Variants in PRKCB observed in about 807,000 individuals in gnomAD.
PRKCB encodes protein kinase C beta, also known as protein kinase C beta type.
PRKCB carries 13 observed loss-of-function variants against 81.5 expected under a neutral mutation model. That is an observed-to-expected ratio of 0.16 (90% CI 0.10 to 0.25). PRKCB has a LOEUF of 0.25. Ranked by LOEUF, PRKCB falls within the 10% of genes least tolerant of loss-of-function variation. PRKCB has a pLI of 1.00. For missense variants in PRKCB, 509 were observed against 875.7 expected, an observed-to-expected ratio of 0.58 and a Z score of 5.29; for synonymous variants, 335 against 321.4, an observed-to-expected ratio of 1.04 and a Z score of -0.45.
chr16:24,111,156 T>A (rs1018042274), intron 7 of PRKCB: 1 of 152,236 alleles, frequency 6.6e-6, no homozygotes, highest in African/African-American at 2.4e-5. Context: ...TTTTTATATT[T>A]CTTTTGGTAA....
At position 24,215,167 on chromosome 16, in the gene PRKCB, T is replaced by C. The variant is rs1302448847; in HGVS notation, c.*351T>C. ...GCCATATTCACCCCCAACCATCCAA[T>C]CTGTGGATAATTGGATGTTAGCGGT... On this transcript the variant is annotated 3_prime_UTR_variant, in exon 17 of 17. Coordinates refer to ENST00000643927, the MANE Select transcript of PRKCB (RefSeq NM_002738.7). The C allele has an allele frequency of 9.6e-7, 1 of 1,044,212 alleles. No homozygotes were observed. The highest frequency in any genetic ancestry group is 3.5e-5 in the South Asian group (1 of 28,174). The allele number at this position is 1,044,212 out of a possible 1,614,324, so 64.7% of individuals were successfully genotyped here.
At chr16:24,122,449 C>CTTTTTTTTTTTTTTTTTT (rs35364143) in intron 8 of PRKCB, among the ~76,000 whole-genome samples, 1 of 97,640 alleles carries the variant, frequency 1.0e-5, no homozygotes, top group African/African-American at 5.4e-5. Context: ...TACCACGAGG[C>CTTTTTTTTTTTTTTTTTT]TTTTTTTTTT....
At chr16:23,899,476 G>A (rs1158893786) in intron 2 of PRKCB, among the ~76,000 whole-genome samples, 3 of 152,200 alleles carry the variant, frequency 2.0e-5, no homozygotes, top group Non-Finnish European at 4.4e-5. Context: ...ACTTACCAGA[G>A]GAAACAGAAT....
At chr16:23,967,067 A>T (rs757384583) in intron 2 of PRKCB, among the ~76,000 whole-genome samples, 4 of 150,444 alleles carry the variant, frequency 2.7e-5, no homozygotes, top group Non-Finnish European at 2.9e-5. Context: ...GCCAGTTTGC[A>T]GCCCCTGCCT....
intron 2 of PRKCB, among the ~76,000 whole-genome samples, chr16:23,983,084 T>G (rs1964759084): frequency 6.6e-6 from 1 of 151,590 alleles, no homozygotes; most frequent in African/African-American, 2.4e-5. Context: ...TACATTTTTT[T>G]CAGTAGCTCA....
intron 5 of PRKCB, among the ~76,000 whole-genome samples, chr16:24,042,121 T>G (rs1409419715): frequency 6.6e-6 from 1 of 152,150 alleles, no homozygotes; most frequent in Non-Finnish European, 1.5e-5. Flanking sequence ...GTTTGTTATA[T>G]AGGTAAACTT....
At chr16:24,020,343 GT>G (rs1380806957) in intron 3 of PRKCB, among the ~76,000 whole-genome samples, 149 of 152,266 alleles carry the variant, frequency 9.8e-4, no homozygotes, top group African/African-American at 3.4e-3. Flanking sequence ...TAAATATTAT[GT>G]TGGTGCAAAA....
chr16:24,008,420 G>C (rs180889701), intron 3 of PRKCB, among the ~76,000 whole-genome samples: 26 of 152,346 alleles, frequency 1.7e-4, no homozygotes, highest in Non-Finnish European at 3.5e-4. Context: ...GATCAAATTG[G>C]CCTCTTCTAG....
chr16:23,948,463 G>A (rs547027404), intron 2 of PRKCB, among the ~76,000 whole-genome samples: 8 of 152,254 alleles, frequency 5.3e-5, no homozygotes, highest in African/African-American at 1.9e-4. Context: ...GAGTGCAGTG[G>A]TGCGATCTTG....
At chr16:23,889,865 A>G (rs553230877) in intron 2 of PRKCB, among the ~76,000 whole-genome samples, 40 of 152,312 alleles carry the variant, frequency 2.6e-4, no homozygotes, top group African/African-American at 8.7e-4. Flanking sequence ...TCTATTTACA[A>G]TAATTCCAGT....
Position 24,037,796 on chromosome 16 carries a change from T to A in PRKCB, c.529+2249T>A, listed in dbSNP as rs191885878. On this transcript the variant is annotated intron_variant, in intron 5 of 16. Coordinates refer to ENST00000643927, the MANE Select transcript of PRKCB (RefSeq NM_002738.7). ...CTTCTCAGGACACACTGATAGGAGG[T>A]GTATCCATTTGCTGTGGCTGCCATA... 2.3e-3 allele frequency among the ~76,000 whole-genome samples: 340 copies of A among 150,186 alleles called. 1 individual carries two copies. The highest frequency in any genetic ancestry group is 7.9e-3 in the African/African-American group (321 of 40,758).
chr16:24,189,623 CAGAG>C (rs1398616390), intron 15 of PRKCB, among the ~76,000 whole-genome samples: 1 of 119,940 alleles, frequency 8.3e-6, no homozygotes, highest in East Asian at 2.4e-4. Context: ...GCCTGGGTGA[CAGAG>C]TGAGACTCCG....
At chr16:23,903,262 T>A (rs1963510914) in intron 2 of PRKCB, among the ~76,000 whole-genome samples, 1 of 118,840 alleles carries the variant, frequency 8.4e-6, no homozygotes, top group East Asian at 2.1e-4. Context: ...AACTTAAGTG[T>A]GTGTGTGTGT....
chr16:24,185,440 C>A lies in PRKCB; in HGVS notation c.1615-20C>A, dbSNP rs750778224. 4 of 1,601,240 alleles carry A rather than the reference C, an allele frequency of 2.5e-6. No homozygotes were observed. The highest frequency in any genetic ancestry group is 3.4e-6 in the Non-Finnish European group (4 of 1,168,742). ...GTTCAAGCAGGGATTCTTCTCCTCC[C>A]ACCCTCCCCTGTCATACAGGCACCC... On this transcript the variant is annotated intron_variant, in intron 14 of 16. Transcript: ENST00000643927.
At chr16:24,203,906 G>A (rs1968003338) in intron 16 of PRKCB, among the ~76,000 whole-genome samples, 2 of 152,092 alleles carry the variant, frequency 1.3e-5, no homozygotes, top group Non-Finnish European at 2.9e-5. Context: ...CCAGGGCCTG[G>A]CTTTGTCTTG....
At chr16:24,114,893 G>A (rs1431158032) in intron 8 of PRKCB, among the ~76,000 whole-genome samples, 1 of 152,274 alleles carries the variant, frequency 6.6e-6, no homozygotes, top group East Asian at 1.9e-4. Context: ...AAAGTCCTGG[G>A]AAAGAGAGGT....
At chr16:24,183,107 G>T (rs890434794) in intron 13 of PRKCB, among the ~76,000 whole-genome samples, 2 of 151,934 alleles carry the variant, frequency 1.3e-5, no homozygotes, top group Non-Finnish European at 2.9e-5. Flanking sequence ...TGATCCGCCC[G>T]CCTCGGCCTC....
At chr16:24,016,476 T>C (rs1965279014) in intron 3 of PRKCB, among the ~76,000 whole-genome samples, 1 of 152,074 alleles carries the variant, frequency 6.6e-6, no homozygotes, top group South Asian at 2.1e-4. Flanking sequence ...GCAAATGTTG[T>C]CTACCAAGAA....
chr16:23,836,378 G>C (rs764890536), intron 1 of PRKCB, 30 bp downstream of exon 1: 1 of 1,589,946 alleles, frequency 6.3e-7, no homozygotes, highest in South Asian at 1.1e-5. Flanking sequence ...GCACCTTCCC[G>C]GGCCCCCGAG....
Sources: gnomAD v4.1 joint callset for allele counts (sites outside exome capture counted in the v4.1 genomes callset) on GRCh38, gnomAD v4.1.1 for gene constraint, MANE v1.5 for transcripts, NCBI Gene and HGNC (gene_info 2026-07-23, HGNC 2026-07-21) for gene names.